The following GHITM variants were observed in gnomAD, a reference collection of about 807,000 sequenced individuals.
GHITM encodes the protein growth hormone inducible transmembrane protein.
Under a neutral mutation model 38.7 loss-of-function variants are expected in GHITM, and 24 were observed. That is an observed-to-expected ratio of 0.62 (90% CI 0.45 to 0.87). The LOEUF (loss-of-function observed/expected upper bound fraction) is 0.87. GHITM is among the 40% of genes least tolerant of loss of function. The pLI is 0.00. For missense variants in GHITM, 420 were observed against 429.8 expected (o/e 0.98, Z 0.20); for synonymous variants, 154 against 147.8 (o/e 1.04, Z -0.30).
At chr10:84,146,771 A>G (rs1841560084) in intron 5 of GHITM, among the ~76,000 whole-genome samples, 1 of 152,228 alleles carries the variant, frequency 6.6e-6, no homozygotes, top group Non-Finnish European at 1.5e-5. Context: ...TTCTGGGCAA[A>G]AGATTACCCT....
chr10:84,143,860 C>T, intron 3 of GHITM, 135 bp from the exon 4 acceptor site: 1 of 623,328 alleles, frequency 1.6e-6, no homozygotes, highest in South Asian at 2.1e-5. Flanking sequence ...AACATTGAGG[C>T]AATTTCTGTA....
At chr10:84,139,651 C>G (rs1176982377) in intron 1 of GHITM, 58 bp downstream of exon 1, 3 of 152,260 alleles carry the variant, frequency 2.0e-5, no homozygotes, top group Admixed American at 1.3e-4. Context: ...GACAGCCGCC[C>G]TCACGGGACC....
At chr10:84,148,698 A>G (rs777567139) in intron 5 of GHITM, 32 bp from the exon 6 acceptor site, 20 of 1,317,622 alleles carry the variant, frequency 1.5e-5, no homozygotes, top group Non-Finnish European at 1.5e-5. Context: ...TCATATAAAG[A>G]TCAGTTTTTC....
intron 5 of GHITM, among the ~76,000 whole-genome samples, chr10:84,148,208 C>T (rs991975441): frequency 2.6e-5 from 4 of 152,120 alleles, no homozygotes; most frequent in African/African-American, 9.7e-5. Context: ...AGGGGGCACT[C>T]GTGCTAACTT....
At chr10:84,149,880 G>C (rs540106552) in intron 6 of GHITM, among the ~76,000 whole-genome samples, 175 bp from the exon 7 acceptor site, 1 of 152,324 alleles carries the variant, frequency 6.6e-6, no homozygotes, top group South Asian at 2.1e-4. Context: ...TAGAATTTGA[G>C]TAGTCACCAA....
chr10:84,140,386 TAA>T (rs541737652), intron 1 of GHITM: 2 of 152,216 alleles, frequency 1.3e-5, no homozygotes, highest in Non-Finnish European at 2.9e-5. Flanking sequence ...GAGTGTTCGT[TAA>T]AACACACGTT....
chr10:84,149,177 CTG>C (rs113740825), intron 6 of GHITM, among the ~76,000 whole-genome samples: 4 of 152,126 alleles, frequency 2.6e-5, no homozygotes, highest in African/African-American at 7.2e-5. Flanking sequence ...AAATTAAAAA[CTG>C]AGGATAGAGA....
intron 6 of GHITM, among the ~76,000 whole-genome samples, chr10:84,149,500 TAAG>T (rs1159930273): frequency 6.6e-6 from 1 of 152,208 alleles, no homozygotes; most frequent in Non-Finnish European, 1.5e-5. Flanking sequence ...TTTTTTCAAT[TAAG>T]GAGTTCCATT....
In GHITM at chr10:84,152,598, G is replaced by A. The variant is rs778927694; in HGVS notation, c.*250G>A. 2.8e-5 allele frequency: 10 copies of A among 354,240 alleles called. No individual in the cohort carries two copies. Among genetic ancestry groups the A allele is most frequent in the Non-Finnish European group, 4.5e-5 (9 of 198,616 alleles). 21.9% of individuals were successfully genotyped at this position (354,240 alleles called of 1,614,324 possible). ...TGTTTGAGTGATTTTAAAATGTTTT[G>A]GTGAATGTGAAAACTAAAGTTTGTG... On this transcript the variant is annotated 3_prime_UTR_variant, in exon 9 of 9. Transcript: ENST00000372134.
intron 1 of GHITM, 99 bp from the exon 2 acceptor site, chr10:84,141,363 T>C (rs1841504349): frequency 3.1e-6 from 2 of 649,088 alleles, no homozygotes; most frequent in Non-Finnish European, 5.3e-6. Context: ...AAAAATAGTT[T>C]GTTCCTTGAC....
At chr10:84,151,250 G>C (rs945129550) in intron 8 of GHITM, among the ~76,000 whole-genome samples, 1 of 152,218 alleles carries the variant, frequency 6.6e-6, no homozygotes, top group East Asian at 1.9e-4. Flanking sequence ...ATTATATTTT[G>C]TTGGGGGGCA....
chr10:84,148,883 C>A, intron 6 of GHITM, 45 bp downstream of exon 6: 1 of 1,159,980 alleles, frequency 8.6e-7, no homozygotes, highest in South Asian at 1.2e-5. Context: ...TGACTACCAC[C>A]TTTTTTGGGT....
At chr10:84,146,865 A>G (rs752386199) in intron 5 of GHITM, among the ~76,000 whole-genome samples, 20 of 152,226 alleles carry the variant, frequency 1.3e-4, no homozygotes, top group Non-Finnish European at 2.6e-4. Context: ...GGTGTGACAG[A>G]CATATATATA....
At chr10:84,148,238 A>G (rs552401962) in intron 5 of GHITM, among the ~76,000 whole-genome samples, 1 of 151,684 alleles carries the variant, frequency 6.6e-6, no homozygotes, top group South Asian at 2.1e-4. Flanking sequence ...TCTGAAATAA[A>G]CCCAGAGCTT....
At chr10:84,145,903 G>A (rs1841552324) in intron 5 of GHITM, among the ~76,000 whole-genome samples, 1 of 152,136 alleles carries the variant, frequency 6.6e-6, no homozygotes, top group Non-Finnish European at 1.5e-5. Flanking sequence ...TATTTTAGAA[G>A]TAGACAAGAG....
chr10:84,139,954 T>A (rs2132731772), intron 1 of GHITM: 1 of 152,380 alleles, frequency 6.6e-6, no homozygotes, highest in South Asian at 2.1e-4. Flanking sequence ...CATCTGAATC[T>A]AGCGGGCTGG....
intron 5 of GHITM, among the ~76,000 whole-genome samples, chr10:84,148,479 T>C (rs1163662917): frequency 6.6e-6 from 1 of 152,070 alleles, no homozygotes; most frequent in East Asian, 1.9e-4. Context: ...GTATTTGTAG[T>C]AGAGACAGGG....
chr10:84,145,144 G>A (rs1198137322), intron 5 of GHITM, 128 bp downstream of exon 5: 1 of 621,116 alleles, frequency 1.6e-6, no homozygotes, highest in African/African-American at 1.9e-5. Flanking sequence ...AATAATGTAT[G>A]AATTACAGGT....
intron 6 of GHITM, among the ~76,000 whole-genome samples, 161 bp downstream of exon 6, chr10:84,148,999 T>G (rs1841584388): frequency 6.6e-6 from 1 of 152,244 alleles, no homozygotes; most frequent in Non-Finnish European, 1.5e-5. Context: ...ACCTTTGCTT[T>G]GAAAAGTTGA....
Sources: allele counts gnomAD v4.1 joint callset (sites outside exome capture counted in the v4.1 genomes callset), GRCh38; gene constraint gnomAD v4.1.1; transcripts MANE v1.5; gene names NCBI Gene and HGNC (gene_info 2026-07-23, HGNC 2026-07-21).